The following ADAMTS17 variants were observed in gnomAD, a reference collection of about 807,000 sequenced individuals.
The protein encoded by ADAMTS17 is ADAM metallopeptidase with thrombospondin type 1 motif 17, also known as A disintegrin and metalloproteinase with thrombospondin motifs 17.
In ADAMTS17, 113 loss-of-function variants were observed where a neutral mutation model predicts 141.5. That is an observed-to-expected ratio of 0.80 (90% CI 0.69 to 0.93). The LOEUF (loss-of-function observed/expected upper bound fraction) is 0.93, where lower values mean the gene tolerates loss of function less well. Ranked by LOEUF, ADAMTS17 falls within the 40% of genes least tolerant of loss-of-function variation. The pLI is 0.00. For synonymous variants in ADAMTS17, 768 were observed against 630.6 expected (o/e 1.22, Z -3.27); for missense variants, 1,659 against 1,517.9 (o/e 1.09, Z -1.54).
intron 20 of ADAMTS17, among the ~76,000 whole-genome samples, chr15:99,978,317 T>C (rs1303968974): frequency 6.6e-6 from 1 of 152,228 alleles, no homozygotes; most frequent in Non-Finnish European, 1.5e-5. Flanking sequence ...TTTTTCACTT[T>C]AGAGTGATAA....
chr15:100,046,021 C>T (rs2031654149), intron 18 of ADAMTS17, among the ~76,000 whole-genome samples: 1 of 152,166 alleles, frequency 6.6e-6, no homozygotes, highest in Non-Finnish European at 1.5e-5. Flanking sequence ...GCTGAGACTA[C>T]AGGCATCTGC....
In ADAMTS17 at chr15:100,065,834, A is replaced by C. The variant is rs868654565; in HGVS notation, c.2138-11780T>G. On this transcript the variant is annotated intron_variant, in intron 15 of 21. Transcript: ENST00000268070. Reference sequence around the variant, plus strand: ...CCATCACCTCGGTTTTAAGCCCTGCATGCATTAGGTATTTGTCCTAATGCT... The same window carrying C: ...CCATCACCTCGGTTTTAAGCCCTGCCTGCATTAGGTATTTGTCCTAATGCT... 4.6e-5 allele frequency among the ~76,000 whole-genome samples: 7 copies of C among 152,270 alleles called. No homozygotes were observed. In the South Asian group the frequency reaches 8.3e-4, roughly 18 times the overall value.
intron 15 of ADAMTS17, among the ~76,000 whole-genome samples, chr15:100,076,244 T>C (rs1251890301): frequency 6.6e-6 from 1 of 152,104 alleles, no homozygotes; most frequent in African/African-American, 2.4e-5. Context: ...GGTTGCACTA[T>C]GTTGGGCAGG....
rs766583164 is a variant in ADAMTS17, at chr15:100,152,805, T to C, written c.1323-43A>G. On this transcript the variant is annotated intron_variant, in intron 9 of 21. Coordinates refer to ENST00000268070, the MANE Select transcript of ADAMTS17 (RefSeq NM_139057.4). Reference sequence around the variant, plus strand: ...CAAGTTGACTTGCAAATGTACTGCCTAGGTTTTTTTGTTTTCTTTTTCTTT... The same window carrying C: ...CAAGTTGACTTGCAAATGTACTGCCCAGGTTTTTTTGTTTTCTTTTTCTTT... 7 of 1,605,814 alleles carry C rather than the reference T, an allele frequency of 4.4e-6. No individual in the cohort carries two copies. In the South Asian group the frequency reaches 7.8e-5, roughly 18 times the overall value.
intron 4 of ADAMTS17, among the ~76,000 whole-genome samples, chr15:100,276,470 G>A (rs1233241515): frequency 2.1e-4 from 22 of 106,484 alleles, no homozygotes; most frequent in East Asian, 2.0e-3. Flanking sequence ...CTGGTGGGAG[G>A]GAGTGGGTGC....
intron 15 of ADAMTS17, among the ~76,000 whole-genome samples, chr15:100,062,750 T>C (rs1004826907): frequency 1.3e-5 from 2 of 152,226 alleles, no homozygotes; most frequent in Non-Finnish European, 2.9e-5. Context: ...ATCAGCACTT[T>C]GCAACACAGG....
At chr15:100,221,604 A>G (rs1006517194) in intron 7 of ADAMTS17, among the ~76,000 whole-genome samples, 1 of 152,188 alleles carries the variant, frequency 6.6e-6, no homozygotes, top group African/African-American at 2.4e-5. Context: ...TTGCTCTAAA[A>G]TCAGCCATAC....
intron 7 of ADAMTS17, among the ~76,000 whole-genome samples, chr15:100,212,712 C>T (rs1432898101): frequency 6.6e-6 from 1 of 152,102 alleles, no homozygotes; most frequent in Non-Finnish European, 1.5e-5. Flanking sequence ...ACCAAAAATG[C>T]TTTGTAGAAT....
intron 15 of ADAMTS17, among the ~76,000 whole-genome samples, chr15:100,090,111 G>A (rs1004278041): frequency 6.6e-6 from 1 of 152,004 alleles, no homozygotes; most frequent in Non-Finnish European, 1.5e-5. Flanking sequence ...TTAGGATTGT[G>A]GCACAAAATA....
At chr15:100,331,126 G>A (rs777387049) in intron 2 of ADAMTS17, 72 bp from the exon 3 acceptor site, 312 of 1,583,268 alleles carry the variant, frequency 2.0e-4, no homozygotes, top group Non-Finnish European at 2.5e-4. Context: ...CCCCGGAGGG[G>A]CAGGCAAGAC....
chr15:100,161,072 G>A (rs2039671142), intron 8 of ADAMTS17, among the ~76,000 whole-genome samples: 2 of 152,118 alleles, frequency 1.3e-5, no homozygotes, highest in Non-Finnish European at 2.9e-5. Flanking sequence ...GGCACAGATG[G>A]GCCTTGTGTC....
At chr15:100,340,438 CT>C (rs1191631375) in intron 2 of ADAMTS17, among the ~76,000 whole-genome samples, 1 of 152,122 alleles carries the variant, frequency 6.6e-6, no homozygotes, top group Non-Finnish European at 1.5e-5. Flanking sequence ...TAAATGCCTA[CT>C]AATAGTATAA....
At chr15:100,066,453 T>C (rs1445587353) in intron 15 of ADAMTS17, among the ~76,000 whole-genome samples, 1 of 152,174 alleles carries the variant, frequency 6.6e-6, no homozygotes, top group East Asian at 1.9e-4. Context: ...CATTTTTTTC[T>C]CACCATTTCT....
chr15:100,088,025 A>C (rs753623603), intron 15 of ADAMTS17, among the ~76,000 whole-genome samples: 1 of 152,174 alleles, frequency 6.6e-6, no homozygotes, highest in Non-Finnish European at 1.5e-5. Context: ...AGGGTATTCA[A>C]TTAGGAAAAG....
intron 3 of ADAMTS17, 120 bp downstream of exon 3, chr15:100,330,769 G>C (rs547981020): frequency 1.7e-4 from 225 of 1,321,870 alleles, no homozygotes; most frequent in Non-Finnish European, 2.2e-4. Flanking sequence ...CAATAAAACA[G>C]CTTTTGAAAT....
chr15:100,128,439 A>G, intron 12 of ADAMTS17: 1 of 152,072 alleles, frequency 6.6e-6, no homozygotes, highest in South Asian at 2.1e-4. Context: ...GACAACAGAG[A>G]TTGGACGTGA....
chr15:100,132,292 C>T lies in ADAMTS17; in HGVS notation c.1576-140G>A, dbSNP rs536435589. ...GGTACAGTCTATTTCAGGGTTTGCA[C>T]GTTTGCTAATTTTAGAGACATGCCT... On this transcript the variant is annotated intron_variant, in intron 11 of 21. Transcript: ENST00000268070. 3.8e-5 allele frequency: 47 copies of T among 1,232,766 alleles called. No homozygotes were observed. In the African/African-American group the frequency reaches 4.5e-4, roughly 12 times the overall value. The allele number at this position is 1,232,766 out of a possible 1,614,324, so 76.4% of individuals were successfully genotyped here.
intron 3 of ADAMTS17, among the ~76,000 whole-genome samples, chr15:100,299,647 G>A (rs1447367125): frequency 1.3e-5 from 2 of 152,160 alleles, no homozygotes; most frequent in Non-Finnish European, 2.9e-5. Context: ...TCTGCACCTG[G>A]AATCCCCCAT....
intron 18 of ADAMTS17, among the ~76,000 whole-genome samples, chr15:100,033,004 T>A (rs953520810): frequency 1.3e-5 from 2 of 152,214 alleles, no homozygotes; most frequent in Admixed American, 6.5e-5. Context: ...TTTCTGAGTT[T>A]TAAAATTCTC....
Sources: gnomAD v4.1 joint callset for allele counts (sites outside exome capture counted in the v4.1 genomes callset) on GRCh38, gnomAD v4.1.1 for gene constraint, MANE v1.5 for transcripts, NCBI Gene and HGNC (gene_info 2026-07-23, HGNC 2026-07-21) for gene names.